ANKRD35: variants seen among roughly 807,000 people sequenced by gnomAD.
ANKRD35 encodes ankyrin repeat domain 35.
A neutral mutation model predicts 109.9 loss-of-function variants in ANKRD35; 102 were observed. The observed-to-expected ratio is 0.93, with a 90% CI of 0.79 to 1.09. ANKRD35 has a LOEUF of 1.09. Ranked by LOEUF, ANKRD35 falls within the 50% of genes least tolerant of loss-of-function variation. ANKRD35 has a pLI of 0.00. For synonymous variants in ANKRD35, 515 were observed against 512.4 expected (o/e 1.01, Z -0.07); for missense variants, 1,240 against 1,230.1 (o/e 1.01, Z -0.12).
In ANKRD35 at chr1:145,878,326, C is replaced by T. The variant is rs113514329; in HGVS notation, c.259+65G>A. On this transcript the variant is annotated intron_variant, in intron 3 of 13. Coordinates refer to ENST00000355594, the MANE Select transcript of ANKRD35 (RefSeq NM_144698.5). ...AGGAATGTCCAGCAGGGCCCAGCAC[C>T]GCCCCCGACTGCTGCTGTACCAGGG... is the stretch of plus-strand genomic sequence containing the variant. 32 of 1,482,330 alleles carry T rather than the reference C, an allele frequency of 2.2e-5. No homozygotes were observed. In the East Asian group the frequency reaches 2.2e-4, roughly 10 times the overall value. The allele number at this position is 1,482,330 out of a possible 1,614,324, so 91.8% of individuals were successfully genotyped here. A position where few individuals can be genotyped will look rare whatever the true frequency, so the allele number is the denominator to read the frequency against.
At chr1:145,879,835 G>T (rs782566491) in intron 1 of ANKRD35, among the ~76,000 whole-genome samples, 3 of 151,712 alleles carry the variant, frequency 2.0e-5, no homozygotes, top group Non-Finnish European at 4.4e-5. Context: ...CTGAAACCCT[G>T]CTGCTCTGCT....
At chr1:145,874,332 G>T in intron 8 of ANKRD35, 140 bp from the exon 9 acceptor site, 1 of 967,578 alleles carries the variant, frequency 1.0e-6, no homozygotes, top group Non-Finnish European at 1.6e-6. Flanking sequence ...GGTGCCAGAA[G>T]CCAATCTTGT....
At chr1:145,877,821 G>C (rs184548406) in intron 4 of ANKRD35, 147 bp downstream of exon 4, 3 of 726,384 alleles carry the variant, frequency 4.1e-6, no homozygotes, top group Non-Finnish European at 6.8e-6. Context: ...TTAAATAAAT[G>C]TTGGCAAACA....
chr1:145,883,767 A>G (rs1373907290), intron 1 of ANKRD35, among the ~76,000 whole-genome samples: 1 of 152,200 alleles, frequency 6.6e-6, no homozygotes, highest in African/African-American at 2.4e-5. Context: ...AAAACAGTGG[A>G]GGAATTTATC....
chr1:145,874,369 C>T (rs1553739652), intron 8 of ANKRD35, among the ~76,000 whole-genome samples, 177 bp from the exon 9 acceptor site: 1 of 152,208 alleles, frequency 6.6e-6, no homozygotes, highest in African/African-American at 2.4e-5. Context: ...TATCCAGCAA[C>T]TTTGGTTTCC....
rs782048147 is a variant in ANKRD35, at chr1:145,873,151, G to C, written c.1618C>G (p.Arg540Gly). 1 of 1,614,066 alleles carries C rather than the reference G, an allele frequency of 6.2e-7. No individual in the cohort carries two copies. The highest frequency in any genetic ancestry group is 8.5e-7 in the Non-Finnish European group (1 of 1,180,018). Residue 540 changes from arginine (R) to glycine (G), a missense_variant, in exon 10 of 14, where the codon CGA becomes GGA. Arg to Gly is a moderately radical substitution (Grantham distance 125, BLOSUM62 -2). Transcript: ENST00000355594. ...AAAAWEKMEARLERVLARLEW... is the reference protein window; with the variant it reads ...AAAAWEKMEAGLERVLARLEW... Reference sequence around the variant, plus strand: ...AGCCTTGCCAGCACCCGCTCCAGTCGGGCTTCCATCTTCTCCCAGGCAGCT... The same window carrying C: ...AGCCTTGCCAGCACCCGCTCCAGTCCGGCTTCCATCTTCTCCCAGGCAGCT...
At chr1:145,869,346 T>C (rs1222657713) in intron 10 of ANKRD35, among the ~76,000 whole-genome samples, 1 of 151,870 alleles carries the variant, frequency 6.6e-6, no homozygotes, top group Non-Finnish European at 1.5e-5. Context: ...CACACTCAGA[T>C]AATTTTTGTA....
chr1:145,870,814 G>A (rs1262367439), intron 10 of ANKRD35, among the ~76,000 whole-genome samples: 1 of 151,986 alleles, frequency 6.6e-6, no homozygotes, highest in Non-Finnish European at 1.5e-5. Context: ...CCACCTCCCA[G>A]GTTCCAGTGA....
intron 11 of ANKRD35, 54 bp downstream of exon 11, chr1:145,868,257 C>A: frequency 6.4e-7 from 1 of 1,565,684 alleles, no homozygotes; most frequent in Non-Finnish European, 8.8e-7. Flanking sequence ...ACATATACAT[C>A]ACTTCCACTG....
chr1:145,877,513 G>A (rs1290097295), intron 4 of ANKRD35, among the ~76,000 whole-genome samples: 1 of 152,192 alleles, frequency 6.6e-6, no homozygotes, highest in Non-Finnish European at 1.5e-5. Context: ...TTACAGGCAT[G>A]AGCCACCGCA....
Position 145,876,590 on chromosome 1 carries a change from G to A in ANKRD35, c.432C>T (p.Ala144=). ...TCACATTATCCAACACGTCCAGGAA[G>A]GCTTCGTGGTCACACAGCAGGAGCA... ...SSVLLLCDHE[A]FLDVLDNDGR... The change falls in exon 6 of 14, where the codon GCC becomes GCT. Residue 144 remains alanine (A), a synonymous_variant. Coordinates refer to ENST00000355594, the MANE Select transcript of ANKRD35 (RefSeq NM_144698.5). The A allele has an allele frequency of 1.2e-6, 2 of 1,614,184 alleles. No individual in the cohort carries two copies. The highest frequency in any genetic ancestry group is 1.1e-5 in the South Asian group (1 of 91,086).
chr1:145,869,873 A>G (rs1653745866), intron 10 of ANKRD35, among the ~76,000 whole-genome samples: 2 of 152,174 alleles, frequency 1.3e-5, no homozygotes, highest in South Asian at 4.1e-4. Context: ...TTGAACCACA[A>G]TCTCTTTGAC....
At chr1:145,869,460 G>A (rs1167784370) in intron 10 of ANKRD35, among the ~76,000 whole-genome samples, 2 of 151,866 alleles carry the variant, frequency 1.3e-5, no homozygotes, top group African/African-American at 4.8e-5. Context: ...GGGATTACAG[G>A]TGTGAGCCAC....
rs1220206595 is a variant in ANKRD35, at chr1:145,867,296, T to G, written c.*34A>C. ...TTAACCCACAACTCACAACAGAGAA[T>G]CTCGTATCCCTGAGGGCACACAGTG... On this transcript the variant is annotated 3_prime_UTR_variant, in exon 13 of 14. Coordinates refer to ENST00000355594, the MANE Select transcript of ANKRD35 (RefSeq NM_144698.5). The G allele has an allele frequency of 1.2e-6, 2 of 1,600,782 alleles. No homozygotes were observed. The highest frequency in any genetic ancestry group is 1.7e-6 in the Non-Finnish European group (2 of 1,168,298).
At chr1:145,869,533 T>C (rs587756779) in intron 10 of ANKRD35, among the ~76,000 whole-genome samples, 35 of 152,024 alleles carry the variant, frequency 2.3e-4, no homozygotes, top group African/African-American at 7.2e-4. Context: ...TGGAGTGCAG[T>C]GATGTGATCT....
Position 145,876,587 on chromosome 1 carries a change from G to A in ANKRD35, c.435C>T (p.Phe145=), listed in dbSNP as rs1654083890. The A allele has an allele frequency of 1.9e-6, 3 of 1,614,068 alleles. No homozygotes were observed. Among genetic ancestry groups the A allele is most frequent in the East Asian group, 4.5e-5 (2 of 44,894 alleles). Residue 145 remains phenylalanine (F), a synonymous_variant, in exon 6 of 14, where the codon TTC becomes TTT. Transcript: ENST00000355594. The part of the protein sequence containing the change: ...SVLLLCDHEA[F]LDVLDNDGRT... ...CACTCACATTATCCAACACGTCCAG[G>A]AAGGCTTCGTGGTCACACAGCAGGA...
rs782248015 is a variant in ANKRD35, at chr1:145,873,004, G to A, written c.1765C>T (p.Pro589Ser). 1.2e-6 allele frequency: 2 copies of A among 1,610,244 alleles called. No individual in the cohort carries two copies. Among genetic ancestry groups the A allele is most frequent in the Non-Finnish European group, 1.7e-6 (2 of 1,178,426 alleles). ...KQDEEKEKRV[P>S]GAQGEPLGAL... Reference sequence around the variant, plus strand: ...CCTAGAGGCTCTCCTTGAGCCCCAGGAACCCTTTTCTCCTTCTCTTCATCC... The same window carrying A: ...CCTAGAGGCTCTCCTTGAGCCCCAGAAACCCTTTTCTCCTTCTCTTCATCC... Residue 589 changes from proline (P) to serine (S), a missense_variant, in exon 10 of 14, where the codon CCT becomes TCT. Coordinates refer to ENST00000355594, the MANE Select transcript of ANKRD35 (RefSeq NM_144698.5).
intron 1 of ANKRD35, among the ~76,000 whole-genome samples, chr1:145,882,953 A>T (rs1559178594): frequency 1.3e-5 from 2 of 152,180 alleles, no homozygotes; most frequent in Non-Finnish European, 2.9e-5. Context: ...GCATCCTACA[A>T]CATGGAAGCA....
At chr1:145,884,364 AT>A (rs1301442872) in intron 1 of ANKRD35, among the ~76,000 whole-genome samples, 1 of 152,226 alleles carries the variant, frequency 6.6e-6, no homozygotes, top group Non-Finnish European at 1.5e-5. Context: ...AACAGAGTTC[AT>A]ACTCTTGCCT....
Sources: allele counts gnomAD v4.1 joint callset (sites outside exome capture counted in the v4.1 genomes callset), GRCh38; gene constraint gnomAD v4.1.1; transcripts MANE v1.5; gene names NCBI Gene and HGNC (gene_info 2026-07-23, HGNC 2026-07-21).